Variants in ARPC3 observed in about 807,000 individuals in gnomAD.
ARPC3 encodes the protein actin-related protein 2/3 complex subunit 3.
ARPC3 carries 12 observed loss-of-function variants against 27.6 expected under a neutral mutation model. The ratio of observed to expected loss-of-function variants is 0.43; its 90% CI spans 0.28 to 0.70. The LOEUF is 0.70. ARPC3 is among the 30% of genes least tolerant of loss of function. The pLI is 0.17. For synonymous variants in ARPC3, 53 were observed against 67.2 expected (o/e 0.79, Z 1.03); for missense variants, 153 against 207.7 (o/e 0.74, Z 1.62).
chr12:110,440,407 A>G lies in ARPC3; in HGVS notation c.107-19T>C. On this transcript the variant is annotated intron_variant, in intron 2 of 6. Coordinates refer to ENST00000228825, the MANE Select transcript of ARPC3 (RefSeq NM_001278556.2). ...TCTTTTGCTAAGCAGGACACAAGGG[A>G]AGGAGCACAGAGAACATTAGCCAAA... 6.4e-7 allele frequency: 1 copy of G among 1,563,208 alleles called. No individual in the cohort carries two copies. The highest frequency in any genetic ancestry group is 8.8e-7 in the Non-Finnish European group (1 of 1,133,670).
chr12:110,439,047 G>T (rs983446367), intron 3 of ARPC3, among the ~76,000 whole-genome samples: 4 of 151,778 alleles, frequency 2.6e-5, no homozygotes, highest in African/African-American at 9.7e-5. Flanking sequence ...GTGCAGTGGT[G>T]TGATCTCGGC....
chr12:110,436,577 G>A lies in ARPC3; in HGVS notation c.359C>T (p.Pro120Leu), dbSNP rs2062405052. The A allele has an allele frequency of 1.2e-6, 2 of 1,613,618 alleles. No individual in the cohort carries two copies. Among genetic ancestry groups the A allele is most frequent in the Non-Finnish European group, 1.7e-6 (2 of 1,179,856 alleles). Residue 120 changes from proline (P) to leucine (L), a missense_variant, in exon 5 of 7, where the codon CCT (proline) becomes CTT (leucine). Transcript: ENST00000228825. Reference sequence around the variant, plus strand: ...CTTACCATCTTCCTGTTTGTTTGCAGGTTTGGCATAAATTGCGTTAAGTGG... The same window carrying A: ...CTTACCATCTTCCTGTTTGTTTGCAAGTTTGGCATAAATTGCGTTAAGTGG... ...GFPLNAIYAK[P>L]ANKQEDEVMR...
intron 1 of ARPC3, 127 bp from the exon 2 acceptor site, chr12:110,445,678 T>C (rs1308383695): frequency 1.9e-5 from 14 of 751,554 alleles, no homozygotes; most frequent in Non-Finnish European, 3.1e-5. Flanking sequence ...GGAGAAGGGA[T>C]AGCAGCATTG....
intron 5 of ARPC3, 129 bp downstream of exon 5, chr12:110,436,428 G>T: frequency 6.8e-7 from 1 of 1,477,186 alleles, no homozygotes; most frequent in South Asian, 1.2e-5. Flanking sequence ...TGACTAATAA[G>T]ATAATGTACT....
At chr12:110,439,208 A>G (rs1592951645) in intron 3 of ARPC3, among the ~76,000 whole-genome samples, 1 of 146,932 alleles carries the variant, frequency 6.8e-6, no homozygotes, top group Non-Finnish European at 1.5e-5. Context: ...CTGGTCTCAA[A>G]CTCCTGGCAT....
Position 110,437,065 on chromosome 12 carries a change from A to G in ARPC3, c.252+19T>C, listed in dbSNP as rs760858931. The G allele has an allele frequency of 1.3e-6, 2 of 1,536,566 alleles. No homozygotes were observed. Among genetic ancestry groups the G allele is most frequent in the Non-Finnish European group, 1.8e-6 (2 of 1,109,604 alleles). On this transcript the variant is annotated intron_variant, in intron 4 of 6. Coordinates refer to ENST00000228825, the MANE Select transcript of ARPC3 (RefSeq NM_001278556.2). ...CAGCAATTTGTTTTCCTGATATACA[A>G]TCATCCAAGTTTAATTACCTTTTGC...
In ARPC3 at chr12:110,434,933, T is replaced by A. The variant is rs752093811; in HGVS notation, c.*222A>T. 3 of 697,868 alleles carry A rather than the reference T, an allele frequency of 4.3e-6. No homozygotes were observed. Among genetic ancestry groups the A allele is most frequent in the Non-Finnish European group, 8.0e-6 (3 of 376,494 alleles). 43.2% of individuals were successfully genotyped at this position (697,868 alleles called of 1,614,324 possible). ...TTAGAAATTTCTTTATTATTACTTA[T>A]TCTTATTAAGCGCCAGCTTTAATGC... is the stretch of plus-strand genomic sequence containing the variant. On this transcript the variant is annotated 3_prime_UTR_variant, in exon 7 of 7. Transcript: ENST00000228825.
chr12:110,439,765 T>C (rs1044445625), intron 3 of ARPC3, among the ~76,000 whole-genome samples: 13 of 152,130 alleles, frequency 8.5e-5, no homozygotes, highest in Non-Finnish European at 2.9e-5. Flanking sequence ...GCCCAGGAGG[T>C]TGACGGTATA....
rs566721624 is a variant in ARPC3, at chr12:110,435,135, G to A, written c.*20C>T. On this transcript the variant is annotated 3_prime_UTR_variant, in exon 7 of 7. Transcript: ENST00000228825. ...AAATGCTGCCCAGGGCTCTGGAGAC[G>A]GTGGCTGCCCGGGCTCCCTTCACTG... 91 of 1,608,610 alleles carry A rather than the reference G, an allele frequency of 5.7e-5. No homozygotes were observed. The East Asian group carries it at 1.0e-3, about 19-fold the overall frequency.
intron 5 of ARPC3, 163 bp from the exon 6 acceptor site, chr12:110,436,367 T>C: frequency 8.5e-7 from 1 of 1,177,450 alleles, no homozygotes; most frequent in South Asian, 1.4e-5. Flanking sequence ...TTGTTTTTGT[T>C]CAAAAGATTT....
At chr12:110,437,419 G>A (rs2062412746) in intron 3 of ARPC3, 1 of 384,976 alleles carries the variant, frequency 2.6e-6, no homozygotes, top group African/African-American at 2.1e-5. Flanking sequence ...CCAGGCTGGA[G>A]TGCAGTGGCA....
At chr12:110,448,231 A>C (rs12314411) in intron 1 of ARPC3, among the ~76,000 whole-genome samples, 1 of 152,006 alleles carries the variant, frequency 6.6e-6, no homozygotes, top group Non-Finnish European at 1.5e-5. Context: ...ACCTTGTCCA[A>C]ATTAACTTCT....
At chr12:110,440,194 G>T in intron 3 of ARPC3, 118 bp downstream of exon 3, 2 of 758,116 alleles carry the variant, frequency 2.6e-6, no homozygotes, top group Non-Finnish European at 4.6e-6. Flanking sequence ...CACTGCTCTC[G>T]AATTTAAAAA....
intron 2 of ARPC3, 135 bp from the exon 3 acceptor site, chr12:110,440,523 G>T: frequency 1.5e-6 from 1 of 676,672 alleles, no homozygotes; most frequent in South Asian, 1.7e-5. Context: ...TGATCCTATT[G>T]AAATACAAAG....
rs572866414 is a variant in ARPC3 at position 110,440,165 on chromosome 12, T to C, written c.183+147A>G. 35 of 648,808 alleles carry C rather than the reference T, an allele frequency of 5.4e-5. No individual in the cohort carries two copies. The South Asian group carries it at 5.7e-4, about 11-fold the overall frequency. The allele number at this position is 648,808 out of a possible 1,614,324, so 40.2% of individuals were successfully genotyped here. A position where few individuals can be genotyped will look rare whatever the true frequency, so the allele number is the denominator to read the frequency against. Reference sequence around the variant, plus strand: ...GGAAAAAAAAAGAAACTAATATTTATACAAAAGCTAACATTAAGCACTGCT... The same window carrying C: ...GGAAAAAAAAAGAAACTAATATTTACACAAAAGCTAACATTAAGCACTGCT... On this transcript the variant is annotated intron_variant, in intron 3 of 6. Transcript: ENST00000228825.
chr12:110,448,035 C>T (rs2062475902), intron 1 of ARPC3, among the ~76,000 whole-genome samples: 1 of 151,728 alleles, frequency 6.6e-6, no homozygotes, highest in Non-Finnish European at 1.5e-5. Context: ...TGCACTACCA[C>T]ATCCAGCTAA....
chr12:110,438,378 T>C (rs2135499026), intron 3 of ARPC3, among the ~76,000 whole-genome samples: 1 of 149,278 alleles, frequency 6.7e-6, no homozygotes, highest in East Asian at 2.0e-4. Flanking sequence ...GGTGGGTGTA[T>C]CACGAGCTCA....
chr12:110,439,611 T>A (rs1213798494), intron 3 of ARPC3, among the ~76,000 whole-genome samples: 2 of 152,074 alleles, frequency 1.3e-5, no homozygotes, highest in African/African-American at 2.4e-5. Flanking sequence ...GGTGAGCGGA[T>A]CATGAGGTCA....
chr12:110,435,356 C>T (rs1445644345), intron 6 of ARPC3, 139 bp from the exon 7 acceptor site: 2 of 727,572 alleles, frequency 2.7e-6, no homozygotes, highest in Non-Finnish European at 4.8e-6. Context: ...GAGTCTCGCT[C>T]TGTCGCCCAG....
Sources: gnomAD v4.1 joint callset for allele counts (sites outside exome capture counted in the v4.1 genomes callset) on GRCh38, gnomAD v4.1.1 for gene constraint, MANE v1.5 for transcripts, NCBI Gene and HGNC (gene_info 2026-07-23, HGNC 2026-07-21) for gene names.